FBXW11: variants seen among roughly 807,000 people sequenced by gnomAD.
FBXW11 encodes F-box and WD repeat domain containing 11, also known as F-box/WD repeat-containing protein 11.
A neutral mutation model predicts 77.6 loss-of-function variants in FBXW11; 19 were observed. The observed-to-expected ratio is 0.24, with a 90% CI of 0.17 to 0.36. The LOEUF is 0.36. Ranked by LOEUF, FBXW11 falls within the 10% of genes least tolerant of loss-of-function variation. The pLI, the probability that FBXW11 is intolerant of heterozygous loss-of-function variation, is 1.00. For missense variants in FBXW11, 334 were observed against 704.2 expected (o/e 0.47, Z 5.95); for synonymous variants, 235 against 249.4 (o/e 0.94, Z 0.54).
intron 4 of FBXW11, 47 bp from the exon 5 acceptor site, chr5:171,900,147 G>A: frequency 2.1e-6 from 3 of 1,461,836 alleles, no homozygotes; most frequent in South Asian, 1.3e-5. Flanking sequence ...GAGATAGAAA[G>A]GTACCAGCCA....
intron 1 of FBXW11, among the ~76,000 whole-genome samples, chr5:171,989,625 A>C (rs1581084812): frequency 6.6e-6 from 1 of 152,370 alleles, no homozygotes; most frequent in East Asian, 1.9e-4. Context: ...TGGTCTCTTC[A>C]AACAAGTTAA....
chr5:171,885,082 G>T (rs1404283082), intron 7 of FBXW11, among the ~76,000 whole-genome samples: 1 of 152,170 alleles, frequency 6.6e-6, no homozygotes, highest in Admixed American at 6.5e-5. Context: ...TGAGGGGGCT[G>T]GAGTTGTGTA....
At position 171,869,911 on chromosome 5, in the gene FBXW11, A is replaced by G; in HGVS notation, c.1452-104T>C. ...GTGCATCTGAACTGCCTATTTATAA[A>G]AGCTAATGGGGAACATGCTTATGTT... On this transcript the variant is annotated intron_variant, in intron 11 of 13. Transcript: ENST00000517395. This position sits in a 1 kb window ranked among gnomAD's most constrained non-coding sequence, Gnocchi z 4.1. 1.7e-6 allele frequency: 1 copy of G among 592,576 alleles called. No individual in the cohort carries two copies. The highest frequency in any genetic ancestry group is 2.9e-6 in the Non-Finnish European group (1 of 343,138). 36.7% of individuals were successfully genotyped at this position (592,576 alleles called of 1,614,324 possible). A position where few individuals can be genotyped will look rare whatever the true frequency, so the allele number is the denominator to read the frequency against.
At chr5:171,998,336 C>CTTTTTTTTTTTTTTTTTTTTTTTTTTTTT in intron 1 of FBXW11, among the ~76,000 whole-genome samples, 1 of 114,826 alleles carries the variant, frequency 8.7e-6, no homozygotes, top group East Asian at 2.3e-4. Context: ...TTTTTCTTGT[C>CTTTTTTTTTTTTTTTTTTTTTTTTTTTTT]TTTTTTTTTT....
intron 1 of FBXW11, among the ~76,000 whole-genome samples, chr5:171,959,093 C>G (rs780821614): frequency 7.3e-5 from 11 of 150,408 alleles, no homozygotes; most frequent in Non-Finnish European, 1.6e-4. Flanking sequence ...CTATGATACA[C>G]GGAATATTGA....
intron 1 of FBXW11, among the ~76,000 whole-genome samples, chr5:171,963,182 C>CACAT (rs1369979822): frequency 2.1e-5 from 1 of 46,592 alleles, no homozygotes; most frequent in Non-Finnish European, 1.0e-4. Flanking sequence ...AATGTAAATA[C>CACAT]ACATACACAC....
chr5:171,998,353 T>TTTTTTTTTTTTTTTTTTTTTTTTTTTTTG (rs1561762294), intron 1 of FBXW11, among the ~76,000 whole-genome samples: 1 of 148,238 alleles, frequency 6.7e-6, no homozygotes, highest in African/African-American at 2.5e-5. Flanking sequence ...TTTTTTTTTT[T>TTTTTTTTTTTTTTTTTTTTTTTTTTTTTG]AAGTAGAGAC....
intron 2 of FBXW11, among the ~76,000 whole-genome samples, chr5:171,941,543 T>G (rs1326732267): frequency 2.6e-5 from 4 of 151,484 alleles, no homozygotes; most frequent in African/African-American, 9.7e-5. Flanking sequence ...AGTGCTAATT[T>G]ACCGATTTGA....
At chr5:171,938,295 C>A (rs1762577811) in intron 2 of FBXW11, among the ~76,000 whole-genome samples, 1 of 152,224 alleles carries the variant, frequency 6.6e-6, no homozygotes, top group Non-Finnish European at 1.5e-5. Context: ...AATTCCTGGG[C>A]TCAGGCAATC....
intron 4 of FBXW11, among the ~76,000 whole-genome samples, chr5:171,902,304 T>C (rs1458247304): frequency 6.6e-6 from 1 of 152,240 alleles, no homozygotes; most frequent in Non-Finnish European, 1.5e-5. Flanking sequence ...TAAAGTTGTA[T>C]TGCAATTTTT....
At chr5:171,875,344 A>G (rs1758010329) in intron 9 of FBXW11, among the ~76,000 whole-genome samples, 1 of 152,256 alleles carries the variant, frequency 6.6e-6, no homozygotes, top group Non-Finnish European at 1.5e-5. Flanking sequence ...AAGTGAAAGC[A>G]GCGAGAAATA....
At chr5:172,003,997 T>G (rs1452104379) in intron 1 of FBXW11, among the ~76,000 whole-genome samples, 2 of 152,226 alleles carry the variant, frequency 1.3e-5, no homozygotes, top group Non-Finnish European at 2.9e-5. Flanking sequence ...TCTAAAAATA[T>G]TTCATGCTTT....
At chr5:171,872,835 A>T (rs1252809910) in intron 10 of FBXW11, 37 bp downstream of exon 10, 1 of 1,513,390 alleles carries the variant, frequency 6.6e-7, no homozygotes, top group Non-Finnish European at 9.2e-7. Context: ...TGTGGCAAAA[A>T]TCAGCCTGCT....
rs529524494 is a variant in FBXW11, at chr5:171,956,984, A to T, written c.147+613T>A. On this transcript the variant is annotated intron_variant, in intron 2 of 13. Transcript: ENST00000517395. ...TTCCCATCCACCCCCAAAAAGTTTT[A>T]CTTTTATCTGTGGAATTCTCTGCCG... 8.7e-4 allele frequency among the ~76,000 whole-genome samples: 132 copies of T among 152,282 alleles called. 1 individual carries two copies. The highest frequency in any genetic ancestry group is 1.6e-3 in the Non-Finnish European group (112 of 68,016).
At chr5:171,897,313 T>C (rs534153707) in intron 6 of FBXW11, among the ~76,000 whole-genome samples, 2 of 152,330 alleles carry the variant, frequency 1.3e-5, no homozygotes, top group African/African-American at 2.4e-5. Context: ...TCATCCCTTA[T>C]ATCAAGAGGT....
At chr5:171,901,963 C>T (rs116701798) in intron 4 of FBXW11, among the ~76,000 whole-genome samples, 1,879 of 152,226 alleles carry the variant, frequency 0.012, 37 homozygotes, top group African/African-American at 0.042. Context: ...ACACGTTAAA[C>T]GGGTCAGAAC....
rs757895591 is a variant in FBXW11 at position 171,899,108 on chromosome 5, A to G, written c.624-14T>C. ...AGGTACTGATCCCTGGCAAATAAAAACAAACAGATGTTACATTTTTGCACA... is the reference window on the plus strand; with the variant it reads ...AGGTACTGATCCCTGGCAAATAAAAGCAAACAGATGTTACATTTTTGCACA... On this transcript the variant is annotated splice_polypyrimidine_tract_variant and intron_variant, in intron 5 of 13. Coordinates refer to ENST00000517395, the MANE Select transcript of FBXW11 (RefSeq NM_001378974.1). 1.3e-6 allele frequency: 2 copies of G among 1,557,274 alleles called. No individual in the cohort carries two copies. The highest frequency in any genetic ancestry group is 1.7e-6 in the Non-Finnish European group (2 of 1,147,004).
chr5:171,998,372 A>G (rs941973279), intron 1 of FBXW11, among the ~76,000 whole-genome samples: 6 of 132,038 alleles, frequency 4.5e-5, no homozygotes, highest in African/African-American at 2.0e-4. Context: ...ACAGGGTTTC[A>G]CCATGTTGCC....
Position 171,904,191 on chromosome 5 carries a change from G to C in FBXW11, c.437-4091C>G, listed in dbSNP as rs1760318878. 5.2e-5 allele frequency among the ~76,000 whole-genome samples: 1 copy of C among 19,150 alleles called. No individual in the cohort carries two copies. The highest frequency in any genetic ancestry group is 7.4e-3 in the South Asian group (1 of 136). The allele number at this position is 19,150 out of a possible 152,430, so 12.6% of individuals were successfully genotyped here. A position where few individuals can be genotyped will look rare whatever the true frequency, so the allele number is the denominator to read the frequency against. ...GCCTGTAATCCCAGCTACTTGGCAG[G>C]ATGAGGCGCGCGAGAACCACTTGAA... On this transcript the variant is annotated intron_variant, in intron 4 of 13. Coordinates refer to ENST00000517395, the MANE Select transcript of FBXW11 (RefSeq NM_001378974.1). This position sits in a 1 kb window ranked among gnomAD's most constrained non-coding sequence, Gnocchi z 4.0.
Sources: gnomAD v4.1 joint callset for allele counts (sites outside exome capture counted in the v4.1 genomes callset) on GRCh38, gnomAD v4.1.1 for gene constraint, Gnocchi (gnomAD v3.1) non-coding constraint, MANE v1.5 for transcripts, NCBI Gene and HGNC (gene_info 2026-07-23, HGNC 2026-07-21) for gene names.